Variants in DZIP1 observed in about 807,000 individuals in gnomAD.
DZIP1 encodes DAZ interacting zinc finger protein 1.
A neutral mutation model predicts 107.6 loss-of-function variants in DZIP1; 97 were observed. The ratio of observed to expected loss-of-function variants is 0.90; its 90% CI spans 0.77 to 1.07. DZIP1 has a LOEUF of 1.07. Among genes scored for constraint, DZIP1 ranks in the 50% least tolerant of loss-of-function variants. DZIP1 has a pLI of 0.00. For missense variants in DZIP1, 1,035 were observed against 1,063.6 expected (o/e 0.97, Z 0.37); for synonymous variants, 390 against 386.4 (o/e 1.01, Z -0.11).
intron 10 of DZIP1, among the ~76,000 whole-genome samples, chr13:95,618,582 T>C (rs937346889): frequency 3.3e-5 from 5 of 152,220 alleles, no homozygotes; most frequent in African/African-American, 1.2e-4. Flanking sequence ...ATATTTTTAT[T>C]TTTTGTTTGC....
chr13:95,639,569 C>A (rs1460423325), intron 5 of DZIP1, among the ~76,000 whole-genome samples: 1 of 126,862 alleles, frequency 7.9e-6, no homozygotes, highest in African/African-American at 3.0e-5. Flanking sequence ...CCAGCCTGGG[C>A]GACAGAGTGA....
intron 13 of DZIP1, among the ~76,000 whole-genome samples, chr13:95,608,328 T>G (rs929968960): frequency 4.6e-5 from 7 of 151,914 alleles, no homozygotes; most frequent in Non-Finnish European, 1.5e-5. Context: ...ATGAAAAAAT[T>G]AAAAGGATGA....
intron 22 of DZIP1, 113 bp downstream of exon 22, chr13:95,584,623 A>ACAG: frequency 6.8e-7 from 1 of 1,471,230 alleles, no homozygotes; most frequent in Non-Finnish European, 9.0e-7. Flanking sequence ...GAAAGCACTG[A>ACAG]CAGCTTTTTT....
At chr13:95,588,411 T>A (rs1405994109) in intron 19 of DZIP1, among the ~76,000 whole-genome samples, 1 of 152,196 alleles carries the variant, frequency 6.6e-6, no homozygotes, top group African/African-American at 2.4e-5. Flanking sequence ...ATGTCATCAA[T>A]ATCTCCAGAA....
rs760724358 is a variant in DZIP1 at position 95,641,247 on chromosome 13, C to T, written c.597+48G>A. 1.3e-6 allele frequency: 2 copies of T among 1,525,006 alleles called. No homozygotes were observed. Among genetic ancestry groups the T allele is most frequent in the Non-Finnish European group, 1.8e-6 (2 of 1,133,610 alleles). 94.5% of individuals were successfully genotyped at this position (1,525,006 alleles called of 1,614,324 possible). On this transcript the variant is annotated intron_variant, in intron 5 of 22. Coordinates refer to ENST00000376829, the MANE Select transcript of DZIP1 (RefSeq NM_198968.4). The surrounding 1 kb of genome is among the most constrained non-coding windows in gnomAD (Gnocchi z 4.3). ...ACGGGACAGGCCTATCAAATGGGAA[C>T]TGAGTTGTTTACTGGATTATGAATC...
At chr13:95,638,868 C>T (rs193201960) in intron 5 of DZIP1, among the ~76,000 whole-genome samples, 1 of 152,184 alleles carries the variant, frequency 6.6e-6, no homozygotes, top group Non-Finnish European at 1.5e-5. Flanking sequence ...AAAGGTAAAA[C>T]TGATAATGCG....
chr13:95,642,157 C>A lies in DZIP1; in HGVS notation c.-128G>T. The A allele has an allele frequency of 1.6e-6, 2 of 1,275,788 alleles. No individual in the cohort carries two copies. Among genetic ancestry groups the A allele is most frequent in the Non-Finnish European group, 2.1e-6 (2 of 969,270 alleles). The allele number at this position is 1,275,788 out of a possible 1,614,324, so 79.0% of individuals were successfully genotyped here. On this transcript the variant is annotated 5_prime_UTR_variant, in exon 4 of 23. Coordinates refer to ENST00000376829, the MANE Select transcript of DZIP1 (RefSeq NM_198968.4). ...GGCGGCGGCCTAAGGTCTGGGCGTCCAGGACGTTGCTATAGCAGCGCCCAG... is the reference window on the plus strand; with the variant it reads ...GGCGGCGGCCTAAGGTCTGGGCGTCAAGGACGTTGCTATAGCAGCGCCCAG...
chr13:95,642,883 AT>A lies in DZIP1; in HGVS notation c.-213+159del, dbSNP rs150875617. ...TGTAGGTTAGCAGCCTAAATATAAC[AT>A]TTTGATAAAAGTACGAACCAAAGAA... On this transcript the variant is annotated intron_variant, in intron 3 of 22. Transcript: ENST00000376829. Among the ~76,000 whole-genome samples the A allele has an allele frequency of 6.2e-3, 949 of 152,338 alleles. 26 individuals carry two copies. The East Asian group carries it at 0.064, about 10-fold the overall frequency.
intron 19 of DZIP1, chr13:95,587,943 G>A: frequency 2.1e-6 from 1 of 481,098 alleles, no homozygotes; most frequent in Non-Finnish European, 3.6e-6. Flanking sequence ...GCCAGCCACG[G>A]GGCATGTTTA....
chr13:95,589,163 G>A lies in DZIP1; in HGVS notation c.2018C>T (p.Ser673Leu), dbSNP rs1243350429. The A allele has an allele frequency of 4.4e-6, 7 of 1,606,394 alleles. No individual in the cohort carries two copies. The highest frequency in any genetic ancestry group is 5.9e-6 in the Non-Finnish European group (7 of 1,177,260). ...CCCTGTCAATACTCACGTAATAGTT[G>A]AAGACTTTCTGGGAAAAGGATCTTC... ...VMEDPFPRKS[S>L]TITTPPFSSE... Residue 673 changes from serine to leucine, a missense_variant, in exon 19 of 23, where the codon TCA becomes TTA. Coordinates refer to ENST00000376829, the MANE Select transcript of DZIP1 (RefSeq NM_198968.4).
In DZIP1 at chr13:95,642,218, C is replaced by T. The variant is rs533632632; in HGVS notation, c.-189G>A. 7.1e-6 allele frequency: 5 copies of T among 700,118 alleles called. No individual in the cohort carries two copies. The highest frequency in any genetic ancestry group is 1.9e-5 in the African/African-American group (1 of 52,482). The allele number at this position is 700,118 out of a possible 1,614,324, so 43.4% of individuals were successfully genotyped here. A position where few individuals can be genotyped will look rare whatever the true frequency, so the allele number is the denominator to read the frequency against. ...GGAGCAAAGGGCGCGTCTGCCCGCG[C>T]AGGGTCAGCGTGCACCCAGAACCCT... On this transcript the variant is annotated 5_prime_UTR_variant, in exon 4 of 23. Coordinates refer to ENST00000376829, the MANE Select transcript of DZIP1 (RefSeq NM_198968.4).
intron 20 of DZIP1, among the ~76,000 whole-genome samples, chr13:95,587,192 ACCCT>A (rs1440598912): frequency 2.0e-5 from 3 of 151,876 alleles, no homozygotes; most frequent in Non-Finnish European, 4.4e-5. Flanking sequence ...CGCGGAACAG[ACCCT>A]CCCTGGCAGC....
At chr13:95,609,705 A>G (rs1007871796) in intron 12 of DZIP1, among the ~76,000 whole-genome samples, 192 bp from the exon 13 acceptor site, 2 of 152,208 alleles carry the variant, frequency 1.3e-5, no homozygotes, top group Non-Finnish European at 2.9e-5. Flanking sequence ...ATTACTTTTC[A>G]GTCAAATATT....
At chr13:95,600,625 T>C (rs61975163) in intron 14 of DZIP1, among the ~76,000 whole-genome samples, 1,494 of 125,244 alleles carry the variant, frequency 0.012, 12 homozygotes, top group East Asian at 0.023. Context: ...GATAGATAGA[T>C]AGATAGACAG....
chr13:95,638,718 GTC>G (rs1191418225), intron 5 of DZIP1, among the ~76,000 whole-genome samples: 12 of 152,086 alleles, frequency 7.9e-5, no homozygotes, highest in Non-Finnish European at 1.3e-4. Context: ...GTGTCTGTCT[GTC>G]TGTGTCTTCA....
At chr13:95,595,720 C>T (rs966792589) in intron 15 of DZIP1, among the ~76,000 whole-genome samples, 1 of 151,602 alleles carries the variant, frequency 6.6e-6, no homozygotes, top group Admixed American at 6.6e-5. Context: ...ATAGACATAC[C>T]CCCTACCCCA....
rs1037890561 is a variant in DZIP1 at position 95,582,039 on chromosome 13, C to G, written c.*195G>C. On this transcript the variant is annotated 3_prime_UTR_variant, in exon 23 of 23. Transcript: ENST00000376829. ...AAGTCTTAAACACCTTTACATGCTT[C>G]GAAATACTGTTGATGATCTGATTTT... 1.9e-6 allele frequency: 1 copy of G among 535,244 alleles called. No homozygotes were observed. Among genetic ancestry groups the G allele is most frequent in the South Asian group, 3.0e-5 (1 of 33,008 alleles). 33.2% of individuals were successfully genotyped at this position (535,244 alleles called of 1,614,324 possible). A position where few individuals can be genotyped will look rare whatever the true frequency, so the allele number is the denominator to read the frequency against.
intron 9 of DZIP1, among the ~76,000 whole-genome samples, chr13:95,621,621 A>T: frequency 6.7e-6 from 1 of 148,908 alleles, no homozygotes; most frequent in Non-Finnish European, 1.5e-5. Context: ...AATGAAAGTG[A>T]TTATGTTTGA....
In DZIP1 at chr13:95,605,986, C is replaced by T; in HGVS notation, c.1477+17G>A. On this transcript the variant is annotated intron_variant, in intron 14 of 22. Coordinates refer to ENST00000376829, the MANE Select transcript of DZIP1 (RefSeq NM_198968.4). ...GGCAACTGCACATAAAACGCTGAGA[C>T]TATTACTGAAACTTACCATGCACCA... The T allele has an allele frequency of 6.2e-7, 1 of 1,613,242 alleles. No individual in the cohort carries two copies. Among genetic ancestry groups the T allele is most frequent in the Non-Finnish European group, 8.5e-7 (1 of 1,179,362 alleles).
Sources: gnomAD v4.1 joint callset for allele counts (sites outside exome capture counted in the v4.1 genomes callset) on GRCh38, gnomAD v4.1.1 for gene constraint, Gnocchi (gnomAD v3.1) non-coding constraint, MANE v1.5 for transcripts, NCBI Gene and HGNC (gene_info 2026-07-23, HGNC 2026-07-21) for gene names.